The following ZSWIM6 variants were observed in gnomAD, a reference collection of about 807,000 sequenced individuals.
The protein encoded by ZSWIM6 is zinc finger SWIM-type containing 6.
In ZSWIM6, 9 loss-of-function variants were observed where a neutral mutation model predicts 113.2. The observed-to-expected ratio is 0.08, with a 90% CI of 0.05 to 0.14. ZSWIM6 has a LOEUF of 0.14. Ranked by LOEUF, ZSWIM6 falls within the 10% of genes least tolerant of loss-of-function variation. The probability of loss-of-function intolerance (pLI) is 1.00; values close to 1 mark genes in which losing one functional copy is unlikely to be tolerated. For synonymous variants in ZSWIM6, 611 were observed against 606.5 expected, an observed-to-expected ratio of 1.01 and a Z score of -0.11; for missense variants, 1,162 against 1,552.2, an observed-to-expected ratio of 0.75 and a Z score of 4.22.
At chr5:61,344,125 C>T (rs1744604656) in intron 1 of ZSWIM6, among the ~76,000 whole-genome samples, 1 of 152,112 alleles carries the variant, frequency 6.6e-6, no homozygotes, top group Admixed American at 6.5e-5. Context: ...GAACTCTTGC[C>T]CTCAGGTGAT....
chr5:61,405,057 C>T (rs1190385667), intron 1 of ZSWIM6, among the ~76,000 whole-genome samples: 1 of 152,140 alleles, frequency 6.6e-6, no homozygotes, highest in Non-Finnish European at 1.5e-5. Context: ...GAAGGGTTTC[C>T]GAACCAACAG....
At chr5:61,351,785 A>G (rs1744790540) in intron 1 of ZSWIM6, among the ~76,000 whole-genome samples, 1 of 152,156 alleles carries the variant, frequency 6.6e-6, no homozygotes, top group Admixed American at 6.5e-5. Context: ...CTGACCTGTT[A>G]GTGTCCTTTC....
At chr5:61,529,683 G>A (rs1461039432) in intron 7 of ZSWIM6, among the ~76,000 whole-genome samples, 1 of 152,200 alleles carries the variant, frequency 6.6e-6, no homozygotes, top group Non-Finnish European at 1.5e-5. Flanking sequence ...AAGTGGGGGA[G>A]TTGTTCCTAA....
At chr5:61,517,540 A>G (rs1465813549) in intron 4 of ZSWIM6, among the ~76,000 whole-genome samples, 2 of 151,924 alleles carry the variant, frequency 1.3e-5, no homozygotes, top group Non-Finnish European at 2.9e-5. Flanking sequence ...GTTTACTTTC[A>G]TCTCATGGAG....
intron 1 of ZSWIM6, among the ~76,000 whole-genome samples, chr5:61,334,557 A>G (rs910843728): frequency 1.3e-5 from 2 of 152,110 alleles, no homozygotes; most frequent in Non-Finnish European, 2.9e-5. Flanking sequence ...AAGAATTAAG[A>G]TTTGTTTTAA....
intron 1 of ZSWIM6, among the ~76,000 whole-genome samples, chr5:61,386,502 G>A (rs757015657): frequency 5.9e-5 from 9 of 152,018 alleles, no homozygotes; most frequent in Non-Finnish European, 1.0e-4. Flanking sequence ...GAAACTCCAT[G>A]GCTACCCTCT....
At chr5:61,488,846 C>T (rs995207471) in intron 2 of ZSWIM6, among the ~76,000 whole-genome samples, 3 of 151,858 alleles carry the variant, frequency 2.0e-5, no homozygotes, top group African/African-American at 7.3e-5. Context: ...AGAGTCTCCA[C>T]ATTCATTTTT....
intron 1 of ZSWIM6, among the ~76,000 whole-genome samples, chr5:61,362,169 A>T (rs1408728835): frequency 6.6e-6 from 1 of 151,970 alleles, no homozygotes; most frequent in African/African-American, 2.4e-5. Context: ...TATTTTTTTA[A>T]AATGGGAAAT....
chr5:61,428,826 T>C (rs1246530859), intron 1 of ZSWIM6, among the ~76,000 whole-genome samples: 1 of 152,238 alleles, frequency 6.6e-6, no homozygotes, highest in Non-Finnish European at 1.5e-5. Context: ...TTTTTCTTTC[T>C]TTCTGATCTG....
rs894638014 is a variant in ZSWIM6 at position 61,545,085 on chromosome 5, A to AC, written c.*768_*769insC. On this transcript the variant is annotated 3_prime_UTR_variant, in exon 14 of 14. Transcript: ENST00000252744. ...AGCTTGGTTTTAAACAAAAACAAAA[A>AC]AAAAACTGAGAGAAAACCTATCAGA... 2.0e-5 allele frequency: 3 copies of AC among 151,612 alleles called. No individual in the cohort carries two copies. Among genetic ancestry groups the AC allele is most frequent in the Admixed American group, 6.6e-5 (1 of 15,204 alleles). 9.4% of individuals were successfully genotyped at this position (151,612 alleles called of 1,614,324 possible).
At chr5:61,537,578 T>C (rs1355483315) in intron 10 of ZSWIM6, among the ~76,000 whole-genome samples, 1 of 151,590 alleles carries the variant, frequency 6.6e-6, no homozygotes, top group Non-Finnish European at 1.5e-5. Flanking sequence ...AAAAGCTAAA[T>C]AGCAACCCTG....
chr5:61,356,758 ATAAT>A (rs1744922104), intron 1 of ZSWIM6, among the ~76,000 whole-genome samples: 1 of 140,266 alleles, frequency 7.1e-6, no homozygotes, highest in African/African-American at 2.6e-5. Context: ...TATATTATAT[ATAAT>A]ATGTATAATA....
chr5:61,333,860 C>T (rs904085160), intron 1 of ZSWIM6, among the ~76,000 whole-genome samples: 1 of 152,076 alleles, frequency 6.6e-6, no homozygotes, highest in South Asian at 2.1e-4. Flanking sequence ...GTGCCCCGGG[C>T]GAGCCGCGGT....
At chr5:61,442,131 C>G (rs1272039829) in intron 1 of ZSWIM6, among the ~76,000 whole-genome samples, 1 of 152,066 alleles carries the variant, frequency 6.6e-6, no homozygotes, top group East Asian at 1.9e-4. Flanking sequence ...TCTGATGTCT[C>G]ATTATTCAGA....
chr5:61,516,803 TAAAG>T (rs1748957628), intron 4 of ZSWIM6, among the ~76,000 whole-genome samples: 1 of 151,996 alleles, frequency 6.6e-6, no homozygotes, highest in Non-Finnish European at 1.5e-5. Flanking sequence ...CTCCTCGGCA[TAAAG>T]AATTTCCTTC....
Position 61,378,718 on chromosome 5 carries a change from G to T in ZSWIM6, c.676+45770G>T, listed in dbSNP as rs551850289. 3.3e-5 allele frequency among the ~76,000 whole-genome samples: 5 copies of T among 152,228 alleles called. No homozygotes were observed. In the South Asian group the frequency reaches 1.0e-3, roughly 32 times the overall value. On this transcript the variant is annotated intron_variant, in intron 1 of 13. Transcript: ENST00000252744. The stretch of plus-strand genomic sequence containing the variant: ...TTACAGGCATGCGCCACCACGCCTG[G>T]CTAATTTTGTATTTTTTTAGTAGAG...
At chr5:61,387,125 G>T (rs1336102485) in intron 1 of ZSWIM6, among the ~76,000 whole-genome samples, 3 of 152,124 alleles carry the variant, frequency 2.0e-5, no homozygotes, top group African/African-American at 7.2e-5. Flanking sequence ...GCTTTCTATG[G>T]TAGATTGGCC....
At chr5:61,517,599 C>A (rs1221283672) in intron 4 of ZSWIM6, among the ~76,000 whole-genome samples, 5 of 151,964 alleles carry the variant, frequency 3.3e-5, no homozygotes, top group African/African-American at 1.2e-4. Flanking sequence ...ATTCTAACAT[C>A]TAGTTCATCT....
chr5:61,440,500 A>G (rs1435112546), intron 1 of ZSWIM6, among the ~76,000 whole-genome samples: 3 of 152,174 alleles, frequency 2.0e-5, no homozygotes, highest in Non-Finnish European at 4.4e-5. Flanking sequence ...CAGGAGAAAG[A>G]ATGTCATGAG....
Sources: gnomAD v4.1 joint callset for allele counts (sites outside exome capture counted in the v4.1 genomes callset) on GRCh38, gnomAD v4.1.1 for gene constraint, MANE v1.5 for transcripts, NCBI Gene and HGNC (gene_info 2026-07-23, HGNC 2026-07-21) for gene names.